GLIS2: variants seen among roughly 807,000 people sequenced by gnomAD.
The protein encoded by GLIS2 is GLIS family zinc finger 2.
GLIS2 carries 14 observed loss-of-function variants against 35.6 expected under a neutral mutation model. That is an observed-to-expected ratio of 0.39 (90% confidence interval 0.26 to 0.61). The LOEUF is 0.61. Among genes scored for constraint, GLIS2 ranks in the 20% least tolerant of loss-of-function variants. The pLI, the probability that GLIS2 is intolerant of heterozygous loss-of-function variation, is 0.48. For synonymous variants in GLIS2, 368 were observed against 325.1 expected (o/e 1.13, Z -1.42); for missense variants, 675 against 713.4 (o/e 0.95, Z 0.61).
At chr16:4,331,814 C>T (rs905574769) in intron 1 of GLIS2, 2 of 224,946 alleles carry the variant, frequency 8.9e-6, no homozygotes, top group African/African-American at 2.3e-5. Context: ...TAGCCAGGAG[C>T]GGTGCCTGCC....
Position 4,339,216 on chromosome 16 carries a change from C to A in GLIS2, c.*1692C>A, listed in dbSNP as rs1051434772. 1.3e-5 allele frequency: 2 copies of A among 152,700 alleles called. No individual in the cohort carries two copies. The highest frequency in any genetic ancestry group is 4.8e-5 in the African/African-American group (2 of 41,468). The allele number at this position is 152,700 out of a possible 1,614,324, so 9.5% of individuals were successfully genotyped here. On this transcript the variant is annotated 3_prime_UTR_variant, in exon 7 of 7. Transcript: ENST00000433375. ...TGGTCTCCTTTCTTCGGGCCCCACC[C>A]AGGCCCTGAGCACCCCCCACCCCTG...
intron 1 of GLIS2, among the ~76,000 whole-genome samples, chr16:4,316,760 C>A (rs1051992526): frequency 1.3e-5 from 2 of 152,160 alleles, no homozygotes; most frequent in African/African-American, 4.8e-5. Context: ...CGGGTCCTTC[C>A]TTGGACCTCG....
chr16:4,315,805 C>G (rs1210460527), upstream of GLIS2, among the ~76,000 whole-genome samples: 1 of 150,716 alleles, frequency 6.6e-6, no homozygotes, highest in South Asian at 2.1e-4. Context: ...GGCCCAGCGC[C>G]GGCTCCCGCC....
Position 4,335,765 on chromosome 16 carries a change from C to T in GLIS2, c.775+372C>T, listed in dbSNP as rs572702741. ...GACATAATTTTACATTTCCTAATCGCTGCATAAAACACAGCAAAAATAAAT... is the reference window on the plus strand; with the variant it reads ...GACATAATTTTACATTTCCTAATCGTTGCATAAAACACAGCAAAAATAAAT... On this transcript the variant is annotated intron_variant, in intron 6 of 6. Transcript: ENST00000433375. The surrounding 1 kb of genome is among the most constrained non-coding windows in gnomAD (Gnocchi z 4.6). 3.6e-5 allele frequency: 10 copies of T among 274,392 alleles called. No individual in the cohort carries two copies. Among genetic ancestry groups the T allele is most frequent in the South Asian group, 5.2e-5 (1 of 19,388 alleles). The allele number at this position is 274,392 out of a possible 1,614,324, so 17.0% of individuals were successfully genotyped here.
chr16:4,332,561 C>T lies in GLIS2; in HGVS notation c.172+109C>T. The T allele has an allele frequency of 3.8e-6, 5 of 1,320,410 alleles. No individual in the cohort carries two copies. Among genetic ancestry groups the T allele is most frequent in the Admixed American group, 2.0e-5 (1 of 50,758 alleles). The allele number at this position is 1,320,410 out of a possible 1,614,324, so 81.8% of individuals were successfully genotyped here. On this transcript the variant is annotated intron_variant, in intron 2 of 6. Transcript: ENST00000433375. This position sits in a 1 kb window ranked among gnomAD's most constrained non-coding sequence, Gnocchi z 5.4. Reference sequence around the variant, plus strand: ...TGTAGCTGCAGCCCCTCTCGGCTTCCGGTTCATGGGAAGCCCGCACGCTTG... The same window carrying T: ...TGTAGCTGCAGCCCCTCTCGGCTTCTGGTTCATGGGAAGCCCGCACGCTTG...
intron 1 of GLIS2, among the ~76,000 whole-genome samples, chr16:4,331,304 A>G (rs1407656799): frequency 1.3e-5 from 2 of 152,146 alleles, no homozygotes; most frequent in Non-Finnish European, 2.9e-5. Flanking sequence ...ACCACAAACA[A>G]TGGCATGAGT....
At chr16:4,334,741 C>G in intron 3 of GLIS2, 60 bp from the exon 4 acceptor site, 2 of 1,599,426 alleles carry the variant, frequency 1.3e-6, no homozygotes, top group African/African-American at 1.3e-5. Context: ...AGTCCACTAC[C>G]GATGGGACGG....
intron 3 of GLIS2, among the ~76,000 whole-genome samples, chr16:4,334,264 G>T (rs1236764964): frequency 7.5e-6 from 1 of 132,994 alleles, no homozygotes; most frequent in African/African-American, 2.9e-5. Flanking sequence ...TTTAAACAGG[G>T]TCTAGCTCTG....
At position 4,337,001 on chromosome 16, in the gene GLIS2, C is replaced by A; in HGVS notation, c.1052C>A (p.Ala351Asp). Residue 351 changes from alanine to aspartate, a missense_variant, in exon 7 of 7, where the codon GCC becomes GAC. Transcript: ENST00000433375. ...APDGGPYVSG[A>D]QIIIPNPAAL... ...GACGGCGGCCCCTATGTCAGTGGGG[C>A]CCAGATCATCATCCCCAACCCAGCT... The A allele has an allele frequency of 1.2e-6, 2 of 1,606,314 alleles. No individual in the cohort carries two copies. Among genetic ancestry groups the A allele is most frequent in the Non-Finnish European group, 1.7e-6 (2 of 1,178,410 alleles).
chr16:4,326,842 C>T (rs1203382951), intron 1 of GLIS2, among the ~76,000 whole-genome samples: 1 of 149,750 alleles, frequency 6.7e-6, no homozygotes, highest in Non-Finnish European at 1.5e-5. Flanking sequence ...CTCACTGCAA[C>T]TTCTGCCTCC....
At chr16:4,317,367 TAG>T in intron 1 of GLIS2, among the ~76,000 whole-genome samples, 1 of 152,048 alleles carries the variant, frequency 6.6e-6, no homozygotes, top group East Asian at 1.9e-4. Flanking sequence ...GCACCCTGGG[TAG>T]TAGGCCGCCA....
At chr16:4,330,582 T>C (rs1342387259) in intron 1 of GLIS2, among the ~76,000 whole-genome samples, 2 of 152,236 alleles carry the variant, frequency 1.3e-5, no homozygotes, top group Non-Finnish European at 2.9e-5. Context: ...TTTCTCGGTT[T>C]GCCTGGTGCG....
chr16:4,327,598 T>G (rs2053446962), intron 1 of GLIS2, among the ~76,000 whole-genome samples: 1 of 151,734 alleles, frequency 6.6e-6, no homozygotes, highest in Non-Finnish European at 1.5e-5. Flanking sequence ...GCGCTGCAGC[T>G]GGGGGCCGTC....
chr16:4,317,619 C>G (rs1404636087), intron 1 of GLIS2, among the ~76,000 whole-genome samples: 2 of 152,108 alleles, frequency 1.3e-5, no homozygotes, highest in African/African-American at 4.8e-5. Context: ...CTCCTTCTCC[C>G]CAGAGCCCAG....
chr16:4,327,376 C>CT (rs1414920761), intron 1 of GLIS2, among the ~76,000 whole-genome samples: 1 of 152,244 alleles, frequency 6.6e-6, no homozygotes, highest in African/African-American at 2.4e-5. Flanking sequence ...CCTAATGGTC[C>CT]TTTACCCCCT....
rs1245622482 is a variant in GLIS2, at chr16:4,339,323, C to T, written c.*1799C>T. ...GCGGAGGAACAGGGCACTGGAAGGCCGACGAGCTCAGCATGCGACTCGGTG... is the reference window on the plus strand; with the variant it reads ...GCGGAGGAACAGGGCACTGGAAGGCTGACGAGCTCAGCATGCGACTCGGTG... On this transcript the variant is annotated 3_prime_UTR_variant, in exon 7 of 7. Transcript: ENST00000433375. The T allele has an allele frequency of 1.3e-5, 2 of 152,666 alleles. No homozygotes were observed. The highest frequency in any genetic ancestry group is 2.4e-5 in the African/African-American group (1 of 41,450). The allele number at this position is 152,666 out of a possible 1,614,324, so 9.5% of individuals were successfully genotyped here.
Position 4,335,077 on chromosome 16 carries a change from G to C in GLIS2, c.540G>C (p.Glu180Asp), listed in dbSNP as rs567756224. 1.2e-6 allele frequency: 2 copies of C among 1,613,506 alleles called. No individual in the cohort carries two copies. Among genetic ancestry groups the C allele is most frequent in the African/African-American group, 1.3e-5 (1 of 75,058 alleles). Reference protein sequence around the residue: ...CRWAKCNQLFELLQDLVDHVN... With the variant: ...CRWAKCNQLFDLLQDLVDHVN... ...CTCCGCAGTGTAACCAGCTCTTTGAGCTCCTGCAAGACCTGGTGGACCATG... is the reference window on the plus strand; with the variant it reads ...CTCCGCAGTGTAACCAGCTCTTTGACCTCCTGCAAGACCTGGTGGACCATG... Residue 180 changes from glutamate (E) to aspartate (D), a missense_variant, in exon 5 of 7, where the codon GAG (glutamate) becomes GAC (aspartate). By Grantham distance (45) the Glu-to-Asp change is conservative. This residue lies in a region of GLIS2 where 225 missense variants were observed against 238.7 expected (regional missense o/e 0.94). Coordinates refer to ENST00000433375, the MANE Select transcript of GLIS2 (RefSeq NM_032575.3). The surrounding 1 kb of genome is among the most constrained non-coding windows in gnomAD (Gnocchi z 4.6).
intron 1 of GLIS2, among the ~76,000 whole-genome samples, chr16:4,331,271 C>T (rs771716789): frequency 1.1e-4 from 16 of 152,224 alleles, no homozygotes; most frequent in Middle Eastern, 3.4e-3. Context: ...TGAGTTACTG[C>T]GCCCGGCCAC....
rs184772323 is a variant in GLIS2 at position 4,337,567 on chromosome 16, G to A, written c.*43G>A. On this transcript the variant is annotated 3_prime_UTR_variant, in exon 7 of 7. Coordinates refer to ENST00000433375, the MANE Select transcript of GLIS2 (RefSeq NM_032575.3). ...TTGTGGTGCCCCCCCGGCAGCTCCC[G>A]GCACTGCCCCCGACGAACGGAAACT... 2.2e-4 allele frequency: 345 copies of A among 1,538,432 alleles called. 1 individual carries two copies. The highest frequency in any genetic ancestry group is 1.2e-3 in the Middle Eastern group (7 of 5,726).
Sources: gnomAD v4.1 joint callset for allele counts (sites outside exome capture counted in the v4.1 genomes callset) on GRCh38, gnomAD v4.1.1 for gene constraint, gnomAD v4.1.1 regional missense constraint, Gnocchi (gnomAD v3.1) non-coding constraint, MANE v1.5 for transcripts, NCBI Gene and HGNC (gene_info 2026-07-23, HGNC 2026-07-21) for gene names.